RALGAPB: variants seen among roughly 807,000 people sequenced by gnomAD.
The protein encoded by RALGAPB is ral GTPase-activating protein subunit beta.
RALGAPB carries 25 observed loss-of-function variants against 161.1 expected under a neutral mutation model. That is an observed-to-expected ratio of 0.16 (90% CI 0.11 to 0.22). The LOEUF is 0.22. RALGAPB is among the 10% of genes least tolerant of loss of function. The probability of loss-of-function intolerance (pLI) is 1.00; values close to 1 mark genes in which losing one functional copy is unlikely to be tolerated. For synonymous variants in RALGAPB, 629 were observed against 626.1 expected (o/e 1.00, Z -0.07); for missense variants, 1,391 against 1,815.2 (o/e 0.77, Z 4.25).
chr20:38,535,646 G>A (rs1048775557), intron 16 of RALGAPB, among the ~76,000 whole-genome samples: 2 of 148,744 alleles, frequency 1.3e-5, no homozygotes, highest in South Asian at 2.1e-4. Context: ...AGTCTGTAGC[G>A]TAGTCGTGCA....
chr20:38,548,472 C>A (rs2087249640), intron 19 of RALGAPB, among the ~76,000 whole-genome samples: 1 of 152,114 alleles, frequency 6.6e-6, no homozygotes, highest in Non-Finnish European at 1.5e-5. Flanking sequence ...TCATGATTTT[C>A]CATTTAGAGA....
intron 16 of RALGAPB, 66 bp from the exon 17 acceptor site, chr20:38,539,710 A>C (rs746303876): frequency 6.6e-7 from 1 of 1,514,200 alleles, no homozygotes; most frequent in Non-Finnish European, 9.0e-7. Context: ...CTTCAGTGCA[A>C]ATGCTTTGAA....
At chr20:38,537,269 A>G (rs527805485) in intron 16 of RALGAPB, among the ~76,000 whole-genome samples, 1 of 152,308 alleles carries the variant, frequency 6.6e-6, no homozygotes, top group East Asian at 1.9e-4. Context: ...CAGAGGTACT[A>G]TAAAACAATT....
intron 10 of RALGAPB, among the ~76,000 whole-genome samples, chr20:38,522,697 A>G (rs1011267941): frequency 5.3e-5 from 8 of 152,184 alleles, no homozygotes; most frequent in Non-Finnish European, 1.2e-4. Context: ...ATAGATATGA[A>G]AAAGAATGGT....
Position 38,517,829 on chromosome 20 carries a change from A to G in RALGAPB, c.1246A>G (p.Thr416Ala), listed in dbSNP as rs765897688. The change falls in exon 9 of 30, where the codon ACC becomes GCC. Residue 416 changes from threonine to alanine, a missense_variant. Transcript: ENST00000262879. ...TAAAGTTCAGCACCAGACGTCCTCC[A>G]CCTCTCCTCTGTCAAGTCCAAATCA... ...ASKVQHQTSSTSPLSSPNQTS... is the reference protein window; with the variant it reads ...ASKVQHQTSSASPLSSPNQTS... The G allele has an allele frequency of 6.2e-7, 1 of 1,613,992 alleles. No individual in the cohort carries two copies. The highest frequency in any genetic ancestry group is 8.5e-7 in the Non-Finnish European group (1 of 1,179,918).
intron 16 of RALGAPB, 130 bp downstream of exon 16, chr20:38,535,337 A>C (rs2086772954): frequency 1.7e-6 from 2 of 1,171,410 alleles, no homozygotes; most frequent in Non-Finnish European, 2.4e-6. Context: ...TTATATCCAA[A>C]GTGTACAAAA....
intron 24 of RALGAPB, among the ~76,000 whole-genome samples, chr20:38,564,564 G>A (rs770476999): frequency 7.2e-5 from 11 of 151,986 alleles, no homozygotes; most frequent in Non-Finnish European, 1.3e-4. Flanking sequence ...TTTTTGGTCC[G>A]ATTGTTGGTC....
At chr20:38,476,392 T>G (rs574036314) in intron 1 of RALGAPB, among the ~76,000 whole-genome samples, 2 of 152,342 alleles carry the variant, frequency 1.3e-5, no homozygotes, top group East Asian at 1.9e-4. Context: ...TTTTTATAGA[T>G]GCGGAAAGTA....
Position 38,540,023 on chromosome 20 carries a change from G to A in RALGAPB, c.2562+65G>A. 1.1e-5 allele frequency: 16 copies of A among 1,412,696 alleles called. No homozygotes were observed. In the South Asian group the frequency reaches 2.0e-4, roughly 18 times the overall value. The allele number at this position is 1,412,696 out of a possible 1,614,324, so 87.5% of individuals were successfully genotyped here. ...AATGTATGCTAGCAAAATGCCTTTTGAAAGAGAATATCTAAATTTAAATAC... is the reference window on the plus strand; with the variant it reads ...AATGTATGCTAGCAAAATGCCTTTTAAAAGAGAATATCTAAATTTAAATAC... On this transcript the variant is annotated intron_variant, in intron 17 of 29. Transcript: ENST00000262879.
At chr20:38,507,428 A>G (rs1174122955) in intron 5 of RALGAPB, among the ~76,000 whole-genome samples, 1 of 152,064 alleles carries the variant, frequency 6.6e-6, no homozygotes, top group Non-Finnish European at 1.5e-5. Flanking sequence ...GCTGGAGTAC[A>G]GTGGTATGAT....
intron 5 of RALGAPB, among the ~76,000 whole-genome samples, chr20:38,508,239 C>T (rs1447022634): frequency 1.3e-5 from 2 of 151,894 alleles, no homozygotes; most frequent in East Asian, 1.9e-4. Context: ...AAACTAAGAT[C>T]ACTGACAGCT....
intron 22 of RALGAPB, among the ~76,000 whole-genome samples, 162 bp from the exon 23 acceptor site, chr20:38,558,133 A>T (rs1188622712): frequency 6.6e-6 from 1 of 152,218 alleles, no homozygotes; most frequent in Non-Finnish European, 1.5e-5. Flanking sequence ...AAAAGGAAGT[A>T]TGTTAAATAG....
chr20:38,563,045 A>G (rs1206758008), intron 24 of RALGAPB, among the ~76,000 whole-genome samples: 1 of 152,200 alleles, frequency 6.6e-6, no homozygotes, highest in East Asian at 1.9e-4. Flanking sequence ...AGCCTGGGTG[A>G]CAGAGCAACT....
rs771911269 is a variant in RALGAPB, at chr20:38,493,110, C to T, written c.367C>T (p.Leu123=). Residue 123 remains leucine, a synonymous_variant, in exon 3 of 30, where the codon CTA becomes TTA. Coordinates refer to ENST00000262879, the MANE Select transcript of RALGAPB (RefSeq NM_020336.4). ...NQYVQTILKH[L]QNLFVPRQEQ... ...ATATGTTCAAACTATACTAAAACAC[C>T]TACAGAATCTTTTTGTACCAAGGTA... The T allele has an allele frequency of 1.2e-6, 2 of 1,607,158 alleles. No homozygotes were observed. Among genetic ancestry groups the T allele is most frequent in the Non-Finnish European group, 1.7e-6 (2 of 1,175,134 alleles).
intron 4 of RALGAPB, 87 bp downstream of exon 4, chr20:38,497,603 A>T: frequency 7.1e-7 from 1 of 1,398,804 alleles, no homozygotes; most frequent in Non-Finnish European, 9.7e-7. Context: ...CTCATTGGGG[A>T]TTTAAATTTT....
At chr20:38,510,054 T>C (rs1403831436) in intron 6 of RALGAPB, among the ~76,000 whole-genome samples, 1 of 152,138 alleles carries the variant, frequency 6.6e-6, no homozygotes, top group Non-Finnish European at 1.5e-5. Flanking sequence ...CTTCCAATGT[T>C]GTTTCCTTTG....
chr20:38,484,504 A>T (rs1354476667), intron 1 of RALGAPB, among the ~76,000 whole-genome samples: 2 of 152,212 alleles, frequency 1.3e-5, no homozygotes, highest in Admixed American at 6.5e-5. Flanking sequence ...AAATTGGACC[A>T]TAGATAAGTT....
chr20:38,513,375 A>G (rs1210702886), intron 6 of RALGAPB, among the ~76,000 whole-genome samples: 1 of 148,558 alleles, frequency 6.7e-6, no homozygotes, highest in African/African-American at 2.5e-5. Flanking sequence ...GTGGTGGCAC[A>G]TGCCTGTAAT....
chr20:38,510,466 T>C (rs941199855), intron 6 of RALGAPB, among the ~76,000 whole-genome samples: 1 of 152,222 alleles, frequency 6.6e-6, no homozygotes, highest in Non-Finnish European at 1.5e-5. Flanking sequence ...TCTTCTTGCC[T>C]GTTTAACATT....
Sources: gnomAD v4.1 joint callset for allele counts (sites outside exome capture counted in the v4.1 genomes callset) on GRCh38, gnomAD v4.1.1 for gene constraint, MANE v1.5 for transcripts, NCBI Gene and HGNC (gene_info 2026-07-23, HGNC 2026-07-21) for gene names.